The following MON2 variants were observed in gnomAD, a reference collection of about 807,000 sequenced individuals.
MON2 encodes protein MON2 homolog.
Under a neutral mutation model 208.6 loss-of-function variants are expected in MON2, and 84 were observed. The observed-to-expected ratio is 0.40, with a 90% CI of 0.34 to 0.48. The LOEUF is 0.48. MON2 is among the 20% of genes least tolerant of loss of function. MON2 has a pLI of 0.59. For synonymous variants in MON2, 660 were observed against 694.0 expected (o/e 0.95, Z 0.77); for missense variants, 1,611 against 2,015.4 (o/e 0.80, Z 3.84).
chr12:62,524,769 C>G, intron 9 of MON2, 130 bp downstream of exon 9: 2 of 941,144 alleles, frequency 2.1e-6, no homozygotes, highest in Non-Finnish European at 3.1e-6. Flanking sequence ...GATTTCTAAA[C>G]AAAGAAAATA....
chr12:62,572,964 G>T (rs1208362793), intron 30 of MON2, among the ~76,000 whole-genome samples: 1 of 152,078 alleles, frequency 6.6e-6, no homozygotes, highest in Non-Finnish European at 1.5e-5. Flanking sequence ...TTCTAATATG[G>T]TTTAGTTATT....
Position 62,500,823 on chromosome 12 carries a change from C to G in MON2, c.606C>G (p.Asn202Lys). ...EQPVLVQGNSNRRSVSTLKPC... is the reference protein window; with the variant it reads ...EQPVLVQGNSKRRSVSTLKPC... ...CAGTACTGGTACAAGGAAATAGTAA[C>G]AGAAGATCTGTCAGTACCCTCAAAC... is the stretch of plus-strand genomic sequence containing the variant. Residue 202 changes from asparagine to lysine, a missense_variant, in exon 6 of 35, where the codon AAC becomes AAG. By Grantham distance (94) the Asn-to-Lys change is moderately conservative. Coordinates refer to ENST00000393630, the MANE Select transcript of MON2 (RefSeq NM_015026.3). The G allele has an allele frequency of 3.8e-6, 6 of 1,595,868 alleles. No individual in the cohort carries two copies. The highest frequency in any genetic ancestry group is 1.7e-4 in the Middle Eastern group (1 of 6,022).
At chr12:62,509,023 C>T (rs2071249422) in intron 8 of MON2, 1 of 151,742 alleles carries the variant, frequency 6.6e-6, no homozygotes, top group Non-Finnish European at 1.5e-5. Context: ...AATACTGTTT[C>T]TCAGAAAAAA....
Position 62,532,654 on chromosome 12 carries a change from A to G in MON2, c.1617A>G (p.Gln539=), listed in dbSNP as rs2072710069. Residue 539 remains glutamine (Q), a synonymous_variant, in exon 12 of 35, where the codon CAA becomes CAG. Transcript: ENST00000393630. The stretch of plus-strand genomic sequence containing the variant: ...AGGATTTACAGTCAACATCAGACCA[A>G]ATGGATAAGGAAATTGGTATGAGTC... The part of the protein sequence containing the change: ...EQQDLQSTSD[Q]MDKEIVSRAV... 1.2e-6 allele frequency: 2 copies of G among 1,610,980 alleles called. No individual in the cohort carries two copies. Among genetic ancestry groups the G allele is most frequent in the South Asian group, 1.1e-5 (1 of 90,998 alleles).
intron 4 of MON2, among the ~76,000 whole-genome samples, chr12:62,496,772 A>G (rs1273576726): frequency 6.6e-6 from 1 of 152,196 alleles, no homozygotes; most frequent in Non-Finnish European, 1.5e-5. Context: ...ATAATGAACT[A>G]GAAATACCAT....
chr12:62,572,804 C>T (rs12369961), intron 30 of MON2, among the ~76,000 whole-genome samples: 19,015 of 152,036 alleles, frequency 0.13, 1,517 homozygotes, highest in Middle Eastern at 0.25. Context: ...AGAATGATAC[C>T]GTGTACTGCT....
chr12:62,555,015 C>G (rs987118800), intron 24 of MON2, among the ~76,000 whole-genome samples: 1 of 151,876 alleles, frequency 6.6e-6, no homozygotes, highest in African/African-American at 2.4e-5. Flanking sequence ...CCAGGATGGT[C>G]TCGATCTCCT....
chr12:62,520,953 C>T (rs2072003470), intron 8 of MON2, among the ~76,000 whole-genome samples: 2 of 147,358 alleles, frequency 1.4e-5, no homozygotes, highest in African/African-American at 5.0e-5. Context: ...CAAAATCAAT[C>T]TATTTTATTT....
chr12:62,581,855 A>C (rs147735669), intron 32 of MON2, among the ~76,000 whole-genome samples: 7 of 152,268 alleles, frequency 4.6e-5, no homozygotes, highest in African/African-American at 1.7e-4. Context: ...AAGAAACTGT[A>C]AATTTGTGCC....
chr12:62,538,021 T>A, intron 16 of MON2, 75 bp from the exon 17 acceptor site: 1 of 1,353,612 alleles, frequency 7.4e-7, no homozygotes. Flanking sequence ...AAGTTACTAC[T>A]GATTTTAATT....
intron 8 of MON2, among the ~76,000 whole-genome samples, chr12:62,519,509 A>C (rs1183001117): frequency 6.6e-6 from 1 of 152,236 alleles, no homozygotes; most frequent in Admixed American, 6.5e-5. Flanking sequence ...TAAGAATTAA[A>C]GCTGAAATGA....
intron 7 of MON2, among the ~76,000 whole-genome samples, chr12:62,504,449 G>A (rs867275211): frequency 1.3e-5 from 2 of 151,724 alleles, no homozygotes; most frequent in Non-Finnish European, 2.9e-5. Flanking sequence ...GGGTTTCACC[G>A]TGTTGGCCAG....
chr12:62,541,032 C>T (rs1030875882), intron 19 of MON2, among the ~76,000 whole-genome samples: 1 of 152,138 alleles, frequency 6.6e-6, no homozygotes, highest in Non-Finnish European at 1.5e-5. Context: ...ATCAGCATCT[C>T]GTTTTTGATC....
intron 34 of MON2, among the ~76,000 whole-genome samples, chr12:62,590,422 T>C (rs1410071623): frequency 5.3e-5 from 8 of 152,184 alleles, no homozygotes; most frequent in Non-Finnish European, 1.2e-4. Flanking sequence ...TTTTACTTGA[T>C]CTTTATTTAA....
chr12:62,522,373 C>T (rs1185445809), intron 8 of MON2, among the ~76,000 whole-genome samples: 1 of 152,164 alleles, frequency 6.6e-6, no homozygotes, highest in East Asian at 1.9e-4. Flanking sequence ...CGGACAAGCT[C>T]CTGACAAATA....
In MON2 at chr12:62,493,909, A is replaced by AT. The variant is rs1375272593; in HGVS notation, c.176-5dup. The AT allele has an allele frequency of 6.4e-7, 1 of 1,553,374 alleles. No individual in the cohort carries two copies. The highest frequency in any genetic ancestry group is 8.7e-7 in the Non-Finnish European group (1 of 1,145,594). On this transcript the variant is annotated splice_region_variant and splice_polypyrimidine_tract_variant and intron_variant, in intron 2 of 34. Coordinates refer to ENST00000393630, the MANE Select transcript of MON2 (RefSeq NM_015026.3). Reference sequence around the variant, plus strand: ...ATAATTTACTTTATATGTGTTCTAAATGAAGCACTGAAAGAGAACAGCTCA... The same window carrying AT: ...ATAATTTACTTTATATGTGTTCTAAATTGAAGCACTGAAAGAGAACAGCTCA...
At chr12:62,590,585 C>T (rs1247089097) in intron 34 of MON2, among the ~76,000 whole-genome samples, 1 of 152,178 alleles carries the variant, frequency 6.6e-6, no homozygotes, top group Non-Finnish European at 1.5e-5. Context: ...GTTTGTGGAT[C>T]CCTCCAGAAG....
chr12:62,470,600 T>C, intron 1 of MON2: 1 of 354,986 alleles, frequency 2.8e-6, no homozygotes, highest in Non-Finnish European at 4.1e-6. Context: ...TGATCACTTC[T>C]ATGTGATTAA....
At chr12:62,515,895 A>G (rs529743426) in intron 8 of MON2, among the ~76,000 whole-genome samples, 2 of 152,164 alleles carry the variant, frequency 1.3e-5, no homozygotes, top group South Asian at 4.1e-4. Context: ...ACACGTAAAT[A>G]TTGTTGGGGT....
Sources: gnomAD v4.1 joint callset for allele counts (sites outside exome capture counted in the v4.1 genomes callset) on GRCh38, gnomAD v4.1.1 for gene constraint, MANE v1.5 for transcripts, NCBI Gene and HGNC (gene_info 2026-07-23, HGNC 2026-07-21) for gene names.